The following CFAP54 variants were observed in gnomAD, a reference collection of about 807,000 sequenced individuals.
CFAP54 encodes cilia and flagella associated protein 54, also known as cilia- and flagella-associated protein 54.
A neutral mutation model predicts 370.4 loss-of-function variants in CFAP54; 290 were observed. That is an observed-to-expected ratio of 0.78 (90% CI 0.71 to 0.86). The LOEUF (loss-of-function observed/expected upper bound fraction) is 0.86, where lower values mean the gene tolerates loss of function less well. Ranked by LOEUF, CFAP54 falls within the 40% of genes least tolerant of loss-of-function variation. CFAP54 has a pLI of 0.00. For missense variants in CFAP54, 3,399 were observed against 3,528.7 expected, an observed-to-expected ratio of 0.96 and a Z score of 0.93; for synonymous variants, 1,206 against 1,236.5, an observed-to-expected ratio of 0.98 and a Z score of 0.52.
chr12:96,549,825 T>C (rs1955676520), intron 15 of CFAP54, among the ~76,000 whole-genome samples: 1 of 152,154 alleles, frequency 6.6e-6, no homozygotes, highest in Admixed American at 6.5e-5. Flanking sequence ...AATCTCAACT[T>C]AGGGTTTTTA....
chr12:96,556,435 A>G (rs1271029989), intron 17 of CFAP54, among the ~76,000 whole-genome samples: 1 of 151,902 alleles, frequency 6.6e-6, no homozygotes, highest in Non-Finnish European at 1.5e-5. Flanking sequence ...TTTCCCTTCC[A>G]AGTCCCCCAT....
chr12:96,643,397 ATGTGTGTG>A (rs60873633), intron 32 of CFAP54, among the ~76,000 whole-genome samples: 151,329 of 151,576 alleles, frequency 1, 75,541 homozygotes, highest in Middle Eastern at 1. Flanking sequence ...GTATGTGTGT[ATGTGTGTG>A]TGTGTGTGTG....
chr12:96,741,916 G>T (rs1437606669), intron 51 of CFAP54, among the ~76,000 whole-genome samples: 2 of 152,172 alleles, frequency 1.3e-5, no homozygotes, highest in Non-Finnish European at 2.9e-5. Flanking sequence ...CAGTGTTTAG[G>T]CAAGATAGTT....
chr12:96,554,350 T>C (rs1446324281), intron 16 of CFAP54, 40 bp downstream of exon 16: 2 of 1,467,622 alleles, frequency 1.4e-6, no homozygotes, highest in East Asian at 2.6e-5. Flanking sequence ...GAAGTTTTAC[T>C]TAACTGGGAA....
chr12:96,535,052 G>A lies in CFAP54; in HGVS notation c.1706-463G>A, dbSNP rs370217637. 7.0e-5 allele frequency among the ~76,000 whole-genome samples: 9 copies of A among 129,018 alleles called. No homozygotes were observed. The East Asian group carries it at 8.8e-4, about 13-fold the overall frequency. The allele number at this position is 129,018 out of a possible 152,430, so 84.6% of individuals were successfully genotyped here. A position where few individuals can be genotyped will look rare whatever the true frequency, so the allele number is the denominator to read the frequency against. On this transcript the variant is annotated intron_variant, in intron 11 of 67. Coordinates refer to ENST00000524981, the MANE Select transcript of CFAP54 (RefSeq NM_001306084.2). ...TGTGTGTGTGTGTGTGTGTGTGTGT[G>A]TTTATTTATTTATTTATTTATTTTG... is the stretch of plus-strand genomic sequence containing the variant.
At chr12:96,549,656 A>T (rs568692688) in intron 15 of CFAP54, among the ~76,000 whole-genome samples, 7 of 152,300 alleles carry the variant, frequency 4.6e-5, no homozygotes, top group Admixed American at 1.3e-4. Context: ...TGAATGAATT[A>T]TTTTGTCTTT....
intron 40 of CFAP54, chr12:96,682,258 G>A: frequency 2.0e-6 from 2 of 985,778 alleles, no homozygotes; most frequent in Non-Finnish European, 2.4e-6. Flanking sequence ...GCACTTCAGA[G>A]TTTTTAGTTC....
intron 26 of CFAP54, among the ~76,000 whole-genome samples, chr12:96,606,441 C>T (rs1324199494): frequency 2.0e-5 from 3 of 152,118 alleles, no homozygotes; most frequent in East Asian, 1.9e-4. Flanking sequence ...TGTATTCCCA[C>T]GTGTTTTGTG....
intron 63 of CFAP54, among the ~76,000 whole-genome samples, chr12:96,806,692 A>G (rs1279545747): frequency 6.6e-6 from 1 of 152,176 alleles, no homozygotes; most frequent in Non-Finnish European, 1.5e-5. Flanking sequence ...CTCAGGGACC[A>G]TGCAGAGGCC....
chr12:96,798,019 A>G (rs1293452227), intron 63 of CFAP54, among the ~76,000 whole-genome samples: 1 of 151,996 alleles, frequency 6.6e-6, no homozygotes, highest in African/African-American at 2.4e-5. Context: ...CTTCAGGACA[A>G]CATACGTACT....
intron 8 of CFAP54, among the ~76,000 whole-genome samples, chr12:96,523,894 A>G (rs1160010603): frequency 6.7e-6 from 1 of 150,164 alleles, no homozygotes; most frequent in African/African-American, 2.5e-5. Context: ...CCCTTAAGAT[A>G]ATTGTTGAAT....
intron 23 of CFAP54, among the ~76,000 whole-genome samples, chr12:96,591,970 T>C (rs1055381635): frequency 2.6e-5 from 4 of 151,876 alleles, no homozygotes; most frequent in African/African-American, 9.7e-5. Context: ...GGAATTGTTA[T>C]TGAGATGCAG....
At chr12:96,716,003 TC>T (rs1258317065) in intron 48 of CFAP54, among the ~76,000 whole-genome samples, 1 of 152,192 alleles carries the variant, frequency 6.6e-6, no homozygotes, top group East Asian at 1.9e-4. Flanking sequence ...TTTCCCTTTT[TC>T]TCTCGTGCTT....
chr12:96,803,357 A>T (rs571593387), intron 63 of CFAP54, among the ~76,000 whole-genome samples: 1 of 152,042 alleles, frequency 6.6e-6, no homozygotes, highest in Non-Finnish European at 1.5e-5. Flanking sequence ...GATGATCACC[A>T]TTCTAGCTGG....
intron 19 of CFAP54, among the ~76,000 whole-genome samples, chr12:96,566,998 A>G (rs1730346520): frequency 6.6e-6 from 1 of 152,204 alleles, no homozygotes; most frequent in African/African-American, 2.4e-5. Context: ...GGGCTAGGGA[A>G]AATTAACAGG....
chr12:96,684,538 A>T, intron 40 of CFAP54, 110 bp from the exon 41 acceptor site: 2 of 801,524 alleles, frequency 2.5e-6, no homozygotes, highest in Non-Finnish European at 4.1e-6. Flanking sequence ...CAGTTTGCTT[A>T]TTGCAATCTA....
intron 30 of CFAP54, among the ~76,000 whole-genome samples, chr12:96,629,471 A>AG (rs1956582159): frequency 3.0e-5 from 4 of 131,340 alleles, no homozygotes; most frequent in African/African-American, 1.1e-4. Context: ...ACGCCCAACT[A>AG]ATTTTTTTTT....
intron 42 of CFAP54, among the ~76,000 whole-genome samples, chr12:96,687,584 G>A (rs1230519655): frequency 2.0e-5 from 3 of 152,154 alleles, no homozygotes; most frequent in Non-Finnish European, 4.4e-5. Flanking sequence ...AAACTTAACT[G>A]TTCCTAGGTA....
At chr12:96,560,085 A>T (rs1370818546) in intron 17 of CFAP54, among the ~76,000 whole-genome samples, 2 of 152,190 alleles carry the variant, frequency 1.3e-5, no homozygotes, top group African/African-American at 2.4e-5. Flanking sequence ...CAGGGTAATT[A>T]GGATATTCAT....
Sources: allele counts gnomAD v4.1 joint callset (sites outside exome capture counted in the v4.1 genomes callset), GRCh38; gene constraint gnomAD v4.1.1; transcripts MANE v1.5; gene names NCBI Gene and HGNC (gene_info 2026-07-23, HGNC 2026-07-21).